COX10: variants seen among roughly 807,000 people sequenced by gnomAD.
COX10 encodes cytochrome c oxidase assembly factor heme A:farnesyltransferase COX10.
Under a neutral mutation model 37.3 loss-of-function variants are expected in COX10, and 27 were observed. The observed-to-expected ratio is 0.72, with a 90% CI of 0.53 to 1.00. The LOEUF (loss-of-function observed/expected upper bound fraction) is 1.00, where lower values mean the gene tolerates loss of function less well. Among genes scored for constraint, COX10 ranks in the 50% least tolerant of loss-of-function variants. The pLI, the probability that COX10 is intolerant of heterozygous loss-of-function variation, is 0.00. For synonymous variants in COX10, 222 were observed against 229.1 expected (o/e 0.97, Z 0.28); for missense variants, 475 against 563.2 (o/e 0.84, Z 1.59).
intron 3 of COX10, among the ~76,000 whole-genome samples, chr17:14,078,561 C>T (rs1485916946): frequency 2.0e-5 from 3 of 152,140 alleles, no homozygotes; most frequent in Non-Finnish European, 1.5e-5. Flanking sequence ...AGCCCTGTGA[C>T]ATTTGCTTTC....
Position 14,127,099 on chromosome 17 carries a change from G to A in COX10, c.624+24857G>A, listed in dbSNP as rs76269987. Among the ~76,000 whole-genome samples the A allele has an allele frequency of 4.5e-3, 681 of 152,224 alleles. 26 individuals are homozygous for A. The East Asian group carries it at 0.085, about 19-fold the overall frequency. The stretch of plus-strand genomic sequence containing the variant: ...AAAATAGTTTAATTTGACCAAAACT[G>A]TGTTATAACTTTTGAATTAGCTCTG... On this transcript the variant is annotated intron_variant, in intron 4 of 6. Transcript: ENST00000261643.
At chr17:14,195,372 G>C (rs1567612662) in intron 6 of COX10, among the ~76,000 whole-genome samples, 1 of 152,144 alleles carries the variant, frequency 6.6e-6, no homozygotes, top group Non-Finnish European at 1.5e-5. Flanking sequence ...GTACTGTCTT[G>C]TGTGGTAGCC....
chr17:14,076,980 G>A lies in COX10; in HGVS notation c.423G>A (p.Lys141=), dbSNP rs1915170543. 1 of 1,613,000 alleles carries A rather than the reference G, an allele frequency of 6.2e-7. No individual in the cohort carries two copies. Among genetic ancestry groups the A allele is most frequent in the East Asian group, 2.2e-5 (1 of 44,770 alleles). Residue 141 remains lysine (K), a synonymous_variant, in exon 3 of 7, where the codon AAG becomes AAA. Coordinates refer to ENST00000261643, the MANE Select transcript of COX10 (RefSeq NM_001303.4). ...TAGGGAAAGAGACAAAAGAGGAAAA[G>A]CGGTGGAAAGAGATGAAGCTGCAAG... ...IDVGKETKEE[K]RWKEMKLQVY...
intron 1 of COX10, 106 bp from the exon 2 acceptor site, chr17:14,074,217 G>A (rs1915092656): frequency 8.3e-7 from 1 of 1,198,692 alleles, no homozygotes; most frequent in Non-Finnish European, 1.2e-6. Context: ...ATCACACAGT[G>A]TAGCGCTTAC....
At chr17:14,128,100 G>A (rs1407264886) in intron 4 of COX10, among the ~76,000 whole-genome samples, 1 of 151,202 alleles carries the variant, frequency 6.6e-6, no homozygotes, top group East Asian at 1.9e-4. Context: ...ACTCCTTTTA[G>A]TACCTCTAAT....
At chr17:14,118,711 C>G (rs1466429044) in intron 4 of COX10, among the ~76,000 whole-genome samples, 1 of 151,988 alleles carries the variant, frequency 6.6e-6, no homozygotes, top group Admixed American at 6.6e-5. Flanking sequence ...TTTTCCTGAT[C>G]TTGTCTTATA....
At chr17:14,119,281 G>A (rs1419512045) in intron 4 of COX10, among the ~76,000 whole-genome samples, 4 of 151,982 alleles carry the variant, frequency 2.6e-5, no homozygotes, top group Admixed American at 2.6e-4. Flanking sequence ...TCTGCTCTGA[G>A]GTTACATTTC....
chr17:14,199,682 T>C (rs553451370), intron 6 of COX10, among the ~76,000 whole-genome samples: 1 of 152,322 alleles, frequency 6.6e-6, no homozygotes, highest in Non-Finnish European at 1.5e-5. Context: ...CTATTTCCTA[T>C]TTTCAGGGGA....
At chr17:14,135,570 C>G (rs1904337134) in intron 4 of COX10, among the ~76,000 whole-genome samples, 1 of 151,860 alleles carries the variant, frequency 6.6e-6, no homozygotes, top group South Asian at 2.1e-4. Flanking sequence ...GAACCCTGAA[C>G]TGCACTTTGA....
intron 3 of COX10, among the ~76,000 whole-genome samples, chr17:14,089,887 C>G (rs2142191863): frequency 6.6e-6 from 1 of 152,242 alleles, no homozygotes; most frequent in Middle Eastern, 3.4e-3. Context: ...AGAACCGATT[C>G]AACACTCTCT....
At chr17:14,181,745 T>C (rs1905866471) in intron 5 of COX10, among the ~76,000 whole-genome samples, 1 of 152,062 alleles carries the variant, frequency 6.6e-6, no homozygotes, top group South Asian at 2.1e-4. Flanking sequence ...AATGGAGGGA[T>C]TCAGTAGTTG....
At chr17:14,092,112 C>A (rs1191508755) in intron 3 of COX10, among the ~76,000 whole-genome samples, 2 of 151,986 alleles carry the variant, frequency 1.3e-5, no homozygotes, top group African/African-American at 4.8e-5. Context: ...CTCTTTGGTT[C>A]AAGGAAAAGC....
chr17:14,079,445 T>C (rs1395068433), intron 3 of COX10, among the ~76,000 whole-genome samples: 2 of 152,212 alleles, frequency 1.3e-5, no homozygotes, highest in East Asian at 3.9e-4. Context: ...GCACTGGGAC[T>C]ATGAGTAGCA....
At chr17:14,202,277 T>C (rs1906566843) in intron 6 of COX10, among the ~76,000 whole-genome samples, 1 of 149,900 alleles carries the variant, frequency 6.7e-6, no homozygotes, top group African/African-American at 2.5e-5. Context: ...CAGGCTGGAG[T>C]ACGGTGGTGC....
At chr17:14,182,186 C>T (rs1381775817) in intron 5 of COX10, 1 of 951,214 alleles carries the variant, frequency 1.1e-6, no homozygotes, top group Non-Finnish European at 1.3e-6. Flanking sequence ...CGCAGCTACT[C>T]AGGAGGCTGA....
At chr17:14,133,161 CAA>C (rs1160332635) in intron 4 of COX10, among the ~76,000 whole-genome samples, 1 of 151,444 alleles carries the variant, frequency 6.6e-6, no homozygotes, top group Non-Finnish European at 1.5e-5. Flanking sequence ...AAAAATAAGC[CAA>C]GTTTATTAAA....
intron 3 of COX10, among the ~76,000 whole-genome samples, chr17:14,092,205 A>C (rs1282133003): frequency 6.6e-6 from 1 of 152,146 alleles, no homozygotes; most frequent in Non-Finnish European, 1.5e-5. Context: ...TGTATTTATC[A>C]AGCCCGATAG....
chr17:14,154,094 A>G (rs1377514109), intron 4 of COX10, among the ~76,000 whole-genome samples: 1 of 152,224 alleles, frequency 6.6e-6, no homozygotes, highest in African/African-American at 2.4e-5. Context: ...AAAGCAATTC[A>G]GTGGCTGCCT....
intron 4 of COX10, among the ~76,000 whole-genome samples, chr17:14,126,965 A>ATAGC (rs1555536327): frequency 1.3e-5 from 2 of 151,792 alleles, no homozygotes; most frequent in Non-Finnish European, 2.9e-5. Flanking sequence ...AAAAAAATAG[A>ATAGC]TAGTGACTCG....
Sources: allele counts gnomAD v4.1 joint callset (sites outside exome capture counted in the v4.1 genomes callset), GRCh38; gene constraint gnomAD v4.1.1; transcripts MANE v1.5; gene names NCBI Gene and HGNC (gene_info 2026-07-23, HGNC 2026-07-21).